CMYA5: variants seen among roughly 807,000 people sequenced by gnomAD.
CMYA5 encodes cardiomyopathy-associated protein 5.
CMYA5 carries 246 observed loss-of-function variants against 318.9 expected under a neutral mutation model. The ratio of observed to expected loss-of-function variants is 0.77; its 90% CI spans 0.70 to 0.86. CMYA5 has a LOEUF of 0.86. CMYA5 is among the 40% of genes least tolerant of loss of function. The pLI is 0.00. For missense variants in CMYA5, 4,589 were observed against 4,678.2 expected (o/e 0.98, Z 0.56); for synonymous variants, 1,641 against 1,729.5 (o/e 0.95, Z 1.27).
At chr5:79,710,108 T>G (rs1388842671) in intron 1 of CMYA5, among the ~76,000 whole-genome samples, 2 of 152,048 alleles carry the variant, frequency 1.3e-5, no homozygotes, top group African/African-American at 4.8e-5. Context: ...CATATTCACA[T>G]TTTGAATGCA....
At chr5:79,794,838 A>G (rs1449094269) in intron 12 of CMYA5, among the ~76,000 whole-genome samples, 1 of 152,124 alleles carries the variant, frequency 6.6e-6, no homozygotes, top group African/African-American at 2.4e-5. Context: ...GTTCATAAGG[A>G]CACCATCTCC....
chr5:79,794,178 GA>G (rs1185621865), intron 12 of CMYA5, among the ~76,000 whole-genome samples: 1 of 152,192 alleles, frequency 6.6e-6, no homozygotes. Context: ...AGGCCACATA[GA>G]ACCCGCTGCC....
chr5:79,768,553 A>G (rs576163659), intron 9 of CMYA5, among the ~76,000 whole-genome samples: 12 of 152,200 alleles, frequency 7.9e-5, no homozygotes, highest in African/African-American at 2.9e-4. Context: ...TTGCTTATGA[A>G]GCTTAGTTTG....
intron 12 of CMYA5, among the ~76,000 whole-genome samples, chr5:79,794,187 G>A (rs977923290): frequency 1.3e-5 from 2 of 152,192 alleles, no homozygotes; most frequent in Non-Finnish European, 2.9e-5. Flanking sequence ...AGAACCCGCT[G>A]CCTGTCTGTG....
In CMYA5 at chr5:79,737,959, C is replaced by G. The variant is rs1828119030; in HGVS notation, c.9194C>G (p.Pro3065Arg). The G allele has an allele frequency of 3.7e-6, 6 of 1,613,066 alleles. No homozygotes were observed. In the South Asian group the frequency reaches 6.6e-5, roughly 18 times the overall value. The change falls in exon 2 of 13, where the codon CCA (proline) becomes CGA (arginine). Residue 3065 changes from proline (P) to arginine (R), a missense_variant. By Grantham distance (103) the Pro-to-Arg change is moderately radical (BLOSUM62 -2). Transcript: ENST00000446378. ...ACTTTGATTGATTATAACATCTCCC[C>G]AGACCCAGAAAAACAGAAAGCTCCA... The part of the protein sequence containing the change: ...KYTLIDYNIS[P>R]DPEKQKAPQK...
At chr5:79,794,202 TA>T (rs1251394233) in intron 12 of CMYA5, among the ~76,000 whole-genome samples, 1 of 152,186 alleles carries the variant, frequency 6.6e-6, no homozygotes, top group Non-Finnish European at 1.5e-5. Context: ...TCTGTGTAAA[TA>T]AAATTGCAGA....
rs1829127443 is a variant in CMYA5 at position 79,788,999 on chromosome 5, C to G, written c.11584C>G (p.Leu3862Val). 3 of 1,613,680 alleles carry G rather than the reference C, an allele frequency of 1.9e-6. No individual in the cohort carries two copies. The African/African-American group carries it at 4.0e-5, about 22-fold the overall frequency. Residue 3862 changes from leucine (L) to valine (V), a missense_variant, in exon 10 of 13, where the codon CTG (leucine) becomes GTG (valine). Around this residue, in one of 3 missense-constraint regions of CMYA5, gnomAD observed 2,431 missense variants for 2,495.1 expected, o/e 0.97. Coordinates refer to ENST00000446378, the MANE Select transcript of CMYA5 (RefSeq NM_153610.5). ...TTTCTCTGGAATCAAAGGACTCCAG[C>G]TGAAAGTTAACCTCCAACCCAATGA... ...RSFSGIKGLQLKVNLQPNDNY... is the reference protein window; with the variant it reads ...RSFSGIKGLQVKVNLQPNDNY...
intron 9 of CMYA5, among the ~76,000 whole-genome samples, chr5:79,786,593 C>T (rs1183033849): frequency 6.6e-6 from 1 of 152,132 alleles, no homozygotes; most frequent in African/African-American, 2.4e-5. Flanking sequence ...GACTTAGTTA[C>T]AATTAGGACA....
intron 1 of CMYA5, among the ~76,000 whole-genome samples, chr5:79,709,765 C>T (rs951609260): frequency 1.5e-4 from 23 of 151,390 alleles, no homozygotes; most frequent in Non-Finnish European, 2.5e-4. Context: ...TGAGACCAGC[C>T]TGGTCAGCAT....
At chr5:79,742,627 C>T (rs1561215867) in intron 2 of CMYA5, among the ~76,000 whole-genome samples, 1 of 152,302 alleles carries the variant, frequency 6.6e-6, no homozygotes, top group East Asian at 1.9e-4. Flanking sequence ...TGTGTCTCCT[C>T]CCCAGTCCAT....
At chr5:79,767,290 G>A (rs1188933705) in intron 9 of CMYA5, among the ~76,000 whole-genome samples, 1 of 151,988 alleles carries the variant, frequency 6.6e-6, no homozygotes, top group African/African-American at 2.4e-5. Flanking sequence ...GTTTTTTCAT[G>A]TCTCTATCTC....
intron 10 of CMYA5, among the ~76,000 whole-genome samples, chr5:79,790,079 C>A (rs1327135098): frequency 6.6e-6 from 1 of 152,126 alleles, no homozygotes; most frequent in African/African-American, 2.4e-5. Flanking sequence ...GTTGAGTGGG[C>A]GCAACAAGCG....
chr5:79,762,855 T>G (rs1580793717), intron 8 of CMYA5: 1 of 552,494 alleles, frequency 1.8e-6, no homozygotes, highest in East Asian at 3.0e-5. Flanking sequence ...TGGGGATGGG[T>G]GAGAACTGGG....
chr5:79,714,650 G>C (rs1023831318), intron 1 of CMYA5, among the ~76,000 whole-genome samples: 3 of 151,672 alleles, frequency 2.0e-5, no homozygotes, highest in African/African-American at 7.3e-5. Context: ...ATGTTGCTTG[G>C]GCTGGTCTTA....
In CMYA5 at chr5:79,729,121, G is replaced by T; in HGVS notation, c.356G>T (p.Gly119Val). ...GGGTCAACTGTGAATTCTCCTCCTG[G>T]AAATGTTTCCTTTATTGTGGATGAA... ...REGSTVNSPP[G>V]NVSFIVDEVK... Residue 119 changes from glycine (G) to valine (V), a missense_variant, in exon 2 of 13, where the codon GGA becomes GTA. Physicochemically the swap from Gly to Val is moderately radical, Grantham distance 109. This residue lies in a region of CMYA5 where 2,132 missense variants were observed against 2,131.3 expected (regional missense o/e 1.00). Coordinates refer to ENST00000446378, the MANE Select transcript of CMYA5 (RefSeq NM_153610.5). The T allele has an allele frequency of 6.2e-7, 1 of 1,613,404 alleles. No homozygotes were observed. Among genetic ancestry groups the T allele is most frequent in the East Asian group, 2.2e-5 (1 of 44,874 alleles).
At chr5:79,721,957 C>A (rs1049886875) in intron 1 of CMYA5, among the ~76,000 whole-genome samples, 20 of 152,046 alleles carry the variant, frequency 1.3e-4, no homozygotes, top group Non-Finnish European at 1.6e-4. Context: ...CTGAATAACA[C>A]AATAAATAAG....
chr5:79,715,057 C>T (rs1455860325), intron 1 of CMYA5, among the ~76,000 whole-genome samples: 1 of 152,040 alleles, frequency 6.6e-6, no homozygotes. Context: ...TTTTTTATAA[C>T]AAGAATGTTT....
At position 79,761,817 on chromosome 5, in the gene CMYA5, T is replaced by G; in HGVS notation, c.11267T>G (p.Val3756Gly). 6.2e-6 allele frequency: 10 copies of G among 1,612,726 alleles called. No individual in the cohort carries two copies. Among genetic ancestry groups the G allele is most frequent in the Non-Finnish European group, 8.5e-6 (10 of 1,179,310 alleles). ...PQDDQEVNEL[V>G]EEYRLTVKES... ...TAATTGTGTCTTATGCTAGAGTTGG[T>G]AGAAGAATACAGACTGACAGTGAAA... The change falls in exon 8 of 13, where the codon GTA becomes GGA. Residue 3756 changes from valine to glycine, a missense_variant. By Grantham distance (109) the Val-to-Gly change is moderately radical. This residue lies in a region of CMYA5 where 2,431 missense variants were observed against 2,495.1 expected (regional missense o/e 0.97). Transcript: ENST00000446378.
chr5:79,708,110 T>C (rs1282849666), intron 1 of CMYA5, among the ~76,000 whole-genome samples: 1 of 152,240 alleles, frequency 6.6e-6, no homozygotes, highest in African/African-American at 2.4e-5. Flanking sequence ...ATATGAATTT[T>C]ATGAGACACA....
Sources: allele counts gnomAD v4.1 joint callset (sites outside exome capture counted in the v4.1 genomes callset), GRCh38; gene constraint gnomAD v4.1.1; regional missense constraint gnomAD v4.1.1; transcripts MANE v1.5; gene names NCBI Gene and HGNC (gene_info 2026-07-23, HGNC 2026-07-21).